The following ZMIZ1 variants were observed in gnomAD, a reference collection of about 807,000 sequenced individuals.
ZMIZ1 encodes the protein zinc finger MIZ-type containing 1.
In ZMIZ1, 17 loss-of-function variants were observed where a neutral mutation model predicts 113.9. The ratio of observed to expected loss-of-function variants is 0.15; its 90% CI spans 0.10 to 0.22. ZMIZ1 has a LOEUF of 0.22. Ranked by LOEUF, ZMIZ1 falls within the 10% of genes least tolerant of loss-of-function variation. The probability of loss-of-function intolerance (pLI) is 1.00; values close to 1 mark genes in which losing one functional copy is unlikely to be tolerated. For missense variants in ZMIZ1, 1,059 were observed against 1,477.8 expected, an observed-to-expected ratio of 0.72 and a Z score of 4.65; for synonymous variants, 607 against 603.1, an observed-to-expected ratio of 1.01 and a Z score of -0.09.
intron 7 of ZMIZ1, among the ~76,000 whole-genome samples, chr10:79,222,914 ACCTTAAG>A (rs1470592807): frequency 6.6e-6 from 1 of 152,100 alleles, no homozygotes; most frequent in East Asian, 1.9e-4. Context: ...TGCTCAGGAC[ACCTTAAG>A]CCAGGTCATA....
intron 1 of ZMIZ1, among the ~76,000 whole-genome samples, chr10:79,082,276 C>T (rs1207521275): frequency 6.6e-6 from 1 of 152,244 alleles, no homozygotes; most frequent in East Asian, 1.9e-4. Flanking sequence ...GGCCGCTGCC[C>T]TATAGCAGGA....
intron 23 of ZMIZ1, among the ~76,000 whole-genome samples, chr10:79,308,937 G>A (rs1854921022): frequency 6.6e-6 from 1 of 152,152 alleles, no homozygotes; most frequent in Non-Finnish European, 1.5e-5. Flanking sequence ...CTTGATCTGA[G>A]CCTGTGAGTT....
At chr10:79,100,480 T>G (rs1843325410) in intron 1 of ZMIZ1, among the ~76,000 whole-genome samples, 3 of 143,228 alleles carry the variant, frequency 2.1e-5, no homozygotes, top group Non-Finnish European at 3.0e-5. Context: ...TTATCAGGCC[T>G]GGGTGGGTGG....
chr10:79,144,112 C>T (rs1387022454), intron 3 of ZMIZ1, among the ~76,000 whole-genome samples: 4 of 152,124 alleles, frequency 2.6e-5, no homozygotes, highest in African/African-American at 4.8e-5. Flanking sequence ...GCGGAGGGGA[C>T]GAGTAATCCC....
chr10:79,076,009 C>T (rs1277628123), intron 1 of ZMIZ1, among the ~76,000 whole-genome samples: 4 of 152,166 alleles, frequency 2.6e-5, no homozygotes, highest in South Asian at 2.1e-4. Flanking sequence ...CCTCTTAGCT[C>T]GGGAGCTTCG....
chr10:79,155,990 C>T (rs1845891165), intron 3 of ZMIZ1, among the ~76,000 whole-genome samples: 1 of 152,258 alleles, frequency 6.6e-6, no homozygotes, highest in South Asian at 2.1e-4. Flanking sequence ...GTCTTCCCCA[C>T]TGGTGTCACA....
intron 17 of ZMIZ1, 87 bp from the exon 18 acceptor site, chr10:79,302,020 G>C: frequency 1.5e-6 from 2 of 1,363,290 alleles, no homozygotes; most frequent in Non-Finnish European, 2.1e-6. Context: ...GTGGGATCCT[G>C]GGAGCAGTCT....
At chr10:79,179,637 C>G (rs771353523) in intron 4 of ZMIZ1, among the ~76,000 whole-genome samples, 16 of 152,240 alleles carry the variant, frequency 1.1e-4, no homozygotes, top group Admixed American at 4.6e-4. Context: ...TCAGGCCCCA[C>G]GCACCGTCTC....
At chr10:79,223,137 T>TA (rs1246601784) in intron 7 of ZMIZ1, among the ~76,000 whole-genome samples, 1 of 152,184 alleles carries the variant, frequency 6.6e-6, no homozygotes, top group Non-Finnish European at 1.5e-5. Flanking sequence ...GCCTTCCCGT[T>TA]ACTGGGAGGA....
chr10:79,080,079 C>T (rs553752342), intron 1 of ZMIZ1, among the ~76,000 whole-genome samples: 5 of 152,276 alleles, frequency 3.3e-5, no homozygotes, highest in East Asian at 1.9e-4. Context: ...AGCCGCTGGC[C>T]GGCCACTCTG....
intron 7 of ZMIZ1, among the ~76,000 whole-genome samples, chr10:79,228,629 G>A (rs887526158): frequency 2.0e-5 from 3 of 152,254 alleles, no homozygotes; most frequent in African/African-American, 7.2e-5. Flanking sequence ...GCATGGCAGA[G>A]CAAGGGCTCG....
At chr10:79,121,189 C>G (rs577374436) in intron 2 of ZMIZ1, among the ~76,000 whole-genome samples, 5 of 152,310 alleles carry the variant, frequency 3.3e-5, no homozygotes, top group Non-Finnish European at 7.4e-5. Flanking sequence ...CCCATGATCT[C>G]CTCTCAGGGA....
At chr10:79,205,953 C>T (rs1848301520) in intron 5 of ZMIZ1, among the ~76,000 whole-genome samples, 1 of 152,014 alleles carries the variant, frequency 6.6e-6, no homozygotes, top group Non-Finnish European at 1.5e-5. Context: ...ACAACAACAA[C>T]AAAAAGTAGC....
chr10:79,090,841 G>A (rs541270799), intron 1 of ZMIZ1, among the ~76,000 whole-genome samples: 1 of 152,352 alleles, frequency 6.6e-6, no homozygotes, highest in East Asian at 1.9e-4. Flanking sequence ...GCCCAGCTGG[G>A]CCATGCCGGG....
intron 7 of ZMIZ1, among the ~76,000 whole-genome samples, chr10:79,229,598 T>G (rs998253273): frequency 2.6e-5 from 4 of 152,148 alleles, no homozygotes; most frequent in African/African-American, 9.7e-5. Flanking sequence ...GGCACATAAT[T>G]ATAATGACGG....
intron 8 of ZMIZ1, among the ~76,000 whole-genome samples, chr10:79,286,782 G>A (rs1457112702): frequency 6.6e-6 from 1 of 152,260 alleles, no homozygotes; most frequent in Admixed American, 6.5e-5. Context: ...GCTTGTTCGT[G>A]GGCCTGTGTA....
intron 5 of ZMIZ1, among the ~76,000 whole-genome samples, chr10:79,205,137 A>G (rs970917926): frequency 3.3e-5 from 5 of 152,264 alleles, no homozygotes; most frequent in African/African-American, 4.8e-5. Flanking sequence ...GGCATTGGAT[A>G]TAGCCCAACT....
Position 79,296,941 on chromosome 10 carries a change from AAC to A in ZMIZ1, c.1413+294_1413+295del, listed in dbSNP as rs1853939390. 1 of 322,270 alleles carries A rather than the reference AAC, an allele frequency of 3.1e-6. No individual in the cohort carries two copies. Among genetic ancestry groups the A allele is most frequent in the South Asian group, 1.0e-4 (1 of 9,674 alleles). 20.0% of individuals were successfully genotyped at this position (322,270 alleles called of 1,614,324 possible). On this transcript the variant is annotated intron_variant, in intron 13 of 24. Coordinates refer to ENST00000334512, the MANE Select transcript of ZMIZ1 (RefSeq NM_020338.4). This position sits in a 1 kb window ranked among gnomAD's most constrained non-coding sequence, Gnocchi z 4.1. ...TAAAGGAAATATATTTTATTAAAAA[AAC>A]ACACATCCCCTGTATATATTAACAT...
chr10:79,242,056 TAC>T (rs1439118154), intron 7 of ZMIZ1, among the ~76,000 whole-genome samples: 23 of 151,570 alleles, frequency 1.5e-4, no homozygotes, highest in Admixed American at 1.5e-3. Flanking sequence ...AGCTATAAAA[TAC>T]AGTTTCTCCC....
Sources: gnomAD v4.1 joint callset for allele counts (sites outside exome capture counted in the v4.1 genomes callset) on GRCh38, gnomAD v4.1.1 for gene constraint, Gnocchi (gnomAD v3.1) non-coding constraint, MANE v1.5 for transcripts, NCBI Gene and HGNC (gene_info 2026-07-23, HGNC 2026-07-21) for gene names.